Variants in FBXO3 observed in about 807,000 individuals in gnomAD.
FBXO3 encodes F-box only protein 3.
A neutral mutation model predicts 64.8 loss-of-function variants in FBXO3; 17 were observed. The ratio of observed to expected loss-of-function variants is 0.26; its 90% confidence interval spans 0.18 to 0.39. The LOEUF is 0.39. Ranked by LOEUF, FBXO3 falls within the 10% of genes least tolerant of loss-of-function variation. The probability of loss-of-function intolerance (pLI) is 1.00; values close to 1 mark genes in which losing one functional copy is unlikely to be tolerated. For synonymous variants in FBXO3, 182 were observed against 201.6 expected, an observed-to-expected ratio of 0.90 and a Z score of 0.82; for missense variants, 420 against 589.9, an observed-to-expected ratio of 0.71 and a Z score of 2.98.
Position 33,754,509 on chromosome 11 carries a change from GA to G in FBXO3, c.679-10del. 1 of 1,563,060 alleles carries G rather than the reference GA, an allele frequency of 6.4e-7. No homozygotes were observed. The highest frequency in any genetic ancestry group is 1.2e-5 in the South Asian group (1 of 81,030). ...TTTCGAGCCATTTGGTCCTAGGTGA[GA>G]AAAAGAATACAATCGATAAAAACAC... On this transcript the variant is annotated splice_polypyrimidine_tract_variant and intron_variant, in intron 5 of 10. Transcript: ENST00000265651.
In FBXO3 at chr11:33,758,560, T is replaced by C; in HGVS notation, c.400A>G (p.Ile134Val). 6 of 1,610,094 alleles carry C rather than the reference T, an allele frequency of 3.7e-6. No individual in the cohort carries two copies. Among genetic ancestry groups the C allele is most frequent in the Non-Finnish European group, 5.1e-6 (6 of 1,177,064 alleles). Reference protein sequence around the residue: ...EEDLDAVEAQIGCKLPDDYRC... With the variant: ...EEDLDAVEAQVGCKLPDDYRC... The stretch of plus-strand genomic sequence containing the variant: ...TAATCGTCAGGAAGCTTGCAGCCAA[T>C]CTGCGCTTCCACAGCATCGAGGTCT... Residue 134 changes from isoleucine to valine, a missense_variant, in exon 4 of 11, where the codon ATT becomes GTT. By Grantham distance (29) the Ile-to-Val change is conservative. Coordinates refer to ENST00000265651, the MANE Select transcript of FBXO3 (RefSeq NM_012175.4).
At chr11:33,750,718 A>G in intron 7 of FBXO3, 57 bp from the exon 8 acceptor site, 1 of 1,518,800 alleles carries the variant, frequency 6.6e-7, no homozygotes, top group Non-Finnish European at 9.0e-7. Context: ...AAAAGATACG[A>G]TGCAAAATAG....
At chr11:33,767,817 C>T (rs898233279) in intron 3 of FBXO3, among the ~76,000 whole-genome samples, 3 of 152,120 alleles carry the variant, frequency 2.0e-5, no homozygotes, top group South Asian at 2.1e-4. Flanking sequence ...AAATATTCGA[C>T]CCTACATACC....
intron 3 of FBXO3, 157 bp downstream of exon 3, chr11:33,768,694 T>A: frequency 2.5e-6 from 2 of 795,454 alleles, no homozygotes; most frequent in South Asian, 3.0e-5. Flanking sequence ...AGCACTAGAG[T>A]GAAGGTCCTA....
At chr11:33,756,310 T>G (rs546946540) in intron 4 of FBXO3, among the ~76,000 whole-genome samples, 2 of 152,340 alleles carry the variant, frequency 1.3e-5, no homozygotes, top group South Asian at 4.1e-4. Context: ...GTGGCCAATT[T>G]AATGTTTAAA....
rs200589805 is a variant in FBXO3, at chr11:33,755,759, C to T, written c.678+12G>A. The T allele has an allele frequency of 1.6e-5, 25 of 1,598,630 alleles. No homozygotes were observed. Among genetic ancestry groups the T allele is most frequent in the East Asian group, 1.1e-4 (5 of 44,826 alleles). ...CATCTTAATGCCATATTTAAACACACGTTCTACTTACTGGACATTGGTAGA... is the reference window on the plus strand; with the variant it reads ...CATCTTAATGCCATATTTAAACACATGTTCTACTTACTGGACATTGGTAGA... On this transcript the variant is annotated intron_variant, in intron 5 of 10. Coordinates refer to ENST00000265651, the MANE Select transcript of FBXO3 (RefSeq NM_012175.4).
rs754563184 is a variant in FBXO3, at chr11:33,742,009, AATC to A, written c.1312_1314del (p.Asp438del). ...TCATCTGATTCATCCATATCTGCTG[AATC>A]ATCATCCTCGTCTTCCTCCTCTTCC... On this transcript the variant is annotated inframe_deletion, in exon 11 of 11. Transcript: ENST00000265651. 1.2e-5 allele frequency: 20 copies of A among 1,611,394 alleles called. No individual in the cohort carries two copies. The highest frequency in any genetic ancestry group is 1.1e-4 in the South Asian group (10 of 91,010).
chr11:33,757,439 C>A (rs995316437), intron 4 of FBXO3, among the ~76,000 whole-genome samples: 1 of 143,688 alleles, frequency 7.0e-6, no homozygotes, highest in East Asian at 2.0e-4. Context: ...TATAGTAAGA[C>A]CCCATCTCTA....
rs144832086 is a variant in FBXO3, at chr11:33,748,807, C to T, written c.1018G>A (p.Val340Met). Residue 340 changes from valine to methionine, a missense_variant, in exon 9 of 11, where the codon GTG becomes ATG. Transcript: ENST00000265651. ...YWRITNAKGD[V>M]EEVQGPGVVG... ...ACTCCAGGTCCTTGAACTTCTTCCACGTCACCCTTAGCATTTGTTATTCTC... is the reference window on the plus strand; with the variant it reads ...ACTCCAGGTCCTTGAACTTCTTCCATGTCACCCTTAGCATTTGTTATTCTC... 1.5e-4 allele frequency: 234 copies of T among 1,613,466 alleles called. No individual in the cohort carries two copies. The highest frequency in any genetic ancestry group is 4.0e-5 in the African/African-American group (3 of 74,894).
In FBXO3 at chr11:33,750,091, GCTT is replaced by G. The variant is rs965094537; in HGVS notation, c.932+445_932+447del. ...TAACTAACGTAAATTTAAAATATTT[GCTT>G]CTTATTTAATAAAATTCAATGTCTA... On this transcript the variant is annotated intron_variant, in intron 8 of 10. Transcript: ENST00000265651. 7.7e-4 allele frequency among the ~76,000 whole-genome samples: 117 copies of G among 152,110 alleles called. 1 individual carries two copies. Among genetic ancestry groups the G allele is most frequent in the African/African-American group, 2.6e-3 (106 of 41,510 alleles).
Position 33,740,951 on chromosome 11 carries a change from C to G in FBXO3, c.*957G>C, listed in dbSNP as rs1854673489. The G allele has an allele frequency of 6.6e-6, 1 of 152,532 alleles. No homozygotes were observed. The allele number at this position is 152,532 out of a possible 1,614,324, so 9.4% of individuals were successfully genotyped here. ...ATTATACAAAATACAGAATTGGAAC[C>G]AAAATTTGCTTTTAAAATGTGAGTT... On this transcript the variant is annotated 3_prime_UTR_variant, in exon 11 of 11. Coordinates refer to ENST00000265651, the MANE Select transcript of FBXO3 (RefSeq NM_012175.4).
chr11:33,751,894 T>G (rs1484472737), intron 6 of FBXO3, among the ~76,000 whole-genome samples: 2 of 152,256 alleles, frequency 1.3e-5, no homozygotes, highest in Non-Finnish European at 2.9e-5. Flanking sequence ...TTTTAAACTT[T>G]AATTCATTGT....
Position 33,747,025 on chromosome 11 carries a change from G to C in FBXO3, c.1239+105C>G, listed in dbSNP as rs1430384646. On this transcript the variant is annotated intron_variant, in intron 10 of 10. Coordinates refer to ENST00000265651, the MANE Select transcript of FBXO3 (RefSeq NM_012175.4). ...CCAAGATACTTTCTCAAAATCTCTAGGGTTCTCTGGAACACTATTTATAAA... is the reference window on the plus strand; with the variant it reads ...CCAAGATACTTTCTCAAAATCTCTACGGTTCTCTGGAACACTATTTATAAA... 6 of 1,521,640 alleles carry C rather than the reference G, an allele frequency of 3.9e-6. No individual in the cohort carries two copies. The East Asian group carries it at 1.2e-4, about 31-fold the overall frequency. 94.3% of individuals were successfully genotyped at this position (1,521,640 alleles called of 1,614,324 possible).
chr11:33,742,174 C>T (rs983887144), intron 10 of FBXO3, 90 bp from the exon 11 acceptor site: 5 of 1,207,998 alleles, frequency 4.1e-6, no homozygotes, highest in African/African-American at 3.1e-5. Flanking sequence ...AGAATTCAAA[C>T]AACCAGACAC....
chr11:33,774,206 G>C, intron 1 of FBXO3, 188 bp downstream of exon 1: 2 of 571,926 alleles, frequency 3.5e-6, no homozygotes, highest in Non-Finnish European at 6.1e-6. Flanking sequence ...GGAAGACTCA[G>C]GGCGAGGCCC....
chr11:33,752,338 A>AC (rs1348403449), intron 6 of FBXO3, among the ~76,000 whole-genome samples: 4 of 151,926 alleles, frequency 2.6e-5, no homozygotes, highest in East Asian at 1.9e-4. Flanking sequence ...ACTCTGTCAG[A>AC]CCCCCCATTA....
chr11:33,749,526 T>C (rs1854900807), intron 8 of FBXO3, among the ~76,000 whole-genome samples: 1 of 152,148 alleles, frequency 6.6e-6, no homozygotes, highest in Admixed American at 6.5e-5. Context: ...CACACCTGGC[T>C]AATTTTTTTA....
rs772831373 is a variant in FBXO3, at chr11:33,750,517, T to C, written c.932+22A>G. On this transcript the variant is annotated intron_variant, in intron 8 of 10. Coordinates refer to ENST00000265651, the MANE Select transcript of FBXO3 (RefSeq NM_012175.4). ...ATATATCCCACCATTAACTGAAAGG[T>C]GACCCCATTTAAAATTCTCACCTGA... is the stretch of plus-strand genomic sequence containing the variant. 7 of 1,612,930 alleles carry C rather than the reference T, an allele frequency of 4.3e-6. No homozygotes were observed. In the Admixed American group the frequency reaches 1.0e-4, roughly 23 times the overall value.
intron 10 of FBXO3, chr11:33,742,906 T>A (rs1363822324): frequency 6.6e-6 from 1 of 152,282 alleles, no homozygotes; most frequent in Non-Finnish European, 1.5e-5. Flanking sequence ...TGTCCCGTGA[T>A]GTTGCAGTCC....
Sources: allele counts gnomAD v4.1 joint callset (sites outside exome capture counted in the v4.1 genomes callset), GRCh38; gene constraint gnomAD v4.1.1; transcripts MANE v1.5; gene names NCBI Gene and HGNC (gene_info 2026-07-23, HGNC 2026-07-21).